The following DPY19L2 variants were observed in gnomAD, a reference collection of about 807,000 sequenced individuals.
DPY19L2 encodes dpy-19 like 2, also known as probable C-mannosyltransferase DPY19L2.
DPY19L2 carries 34 observed loss-of-function variants against 97.9 expected under a neutral mutation model. That is an observed-to-expected ratio of 0.35 (90% CI 0.26 to 0.46). DPY19L2 has a LOEUF of 0.46. DPY19L2 is among the 20% of genes least tolerant of loss of function. DPY19L2 has a pLI of 1.00. For synonymous variants in DPY19L2, 230 were observed against 307.9 expected, an observed-to-expected ratio of 0.75 and a Z score of 2.65; for missense variants, 623 against 911.4, an observed-to-expected ratio of 0.68 and a Z score of 4.07.
chr12:63,658,018 G>T (rs1895190181), intron 4 of DPY19L2, among the ~76,000 whole-genome samples: 1 of 152,140 alleles, frequency 6.6e-6, no homozygotes, highest in Non-Finnish European at 1.5e-5. Flanking sequence ...AAGGGTTCAA[G>T]AAAAGGTGTT....
At chr12:63,628,816 C>G (rs1367794927) in intron 6 of DPY19L2, among the ~76,000 whole-genome samples, 2 of 151,146 alleles carry the variant, frequency 1.3e-5, no homozygotes, top group African/African-American at 2.5e-5. Context: ...AGGCACCCCC[C>G]AGTAGGGGCA....
rs1350676324 is a variant in DPY19L2 at position 63,663,057 on chromosome 12, T to C, written c.450+701A>G. On this transcript the variant is annotated intron_variant, in intron 3 of 21. Coordinates refer to ENST00000324472, the MANE Select transcript of DPY19L2 (RefSeq NM_173812.5). ...TACACTTAAATGATAAACATTGAAA[T>C]TTTTTATTACAAATTTAAATCTAAA... 3.3e-5 allele frequency among the ~76,000 whole-genome samples: 5 copies of C among 152,280 alleles called. No homozygotes were observed. The East Asian group carries it at 9.6e-4, about 29-fold the overall frequency.
intron 15 of DPY19L2, among the ~76,000 whole-genome samples, chr12:63,594,464 A>ATTGTGTGT (rs1555189198): frequency 4.0e-5 from 5 of 124,932 alleles, no homozygotes; most frequent in African/African-American, 1.4e-4. Flanking sequence ...AGAGAGAGAT[A>ATTGTGTGT]GTGTGTGTGT....
At chr12:63,657,139 TG>T (rs1895073510) in intron 4 of DPY19L2, among the ~76,000 whole-genome samples, 1 of 152,204 alleles carries the variant, frequency 6.6e-6, no homozygotes, top group Non-Finnish European at 1.5e-5. Flanking sequence ...AGTATTTTTA[TG>T]CTTGAAATTA....
chr12:63,583,957 C>G (rs147433797), intron 16 of DPY19L2, 121 bp from the exon 17 acceptor site: 1 of 671,350 alleles, frequency 1.5e-6, no homozygotes, highest in Non-Finnish European at 2.4e-6. Context: ...AAACTACTTA[C>G]GAAAATACAT....
intron 6 of DPY19L2, among the ~76,000 whole-genome samples, chr12:63,629,231 G>C (rs1185234421): frequency 6.6e-6 from 1 of 152,140 alleles, no homozygotes; most frequent in African/African-American, 2.4e-5. Flanking sequence ...ACTTTGACGA[G>C]TTGACAGAAG....
intron 20 of DPY19L2, among the ~76,000 whole-genome samples, chr12:63,569,662 A>T (rs1479070932): frequency 1.3e-5 from 2 of 152,184 alleles, no homozygotes; most frequent in East Asian, 3.8e-4. Context: ...CAGTTTTCAG[A>T]GAATATATTC....
At chr12:63,618,038 A>G in intron 10 of DPY19L2, 113 bp downstream of exon 10, 1 of 975,328 alleles carries the variant, frequency 1.0e-6, no homozygotes. Context: ...CACCAATACC[A>G]TATGTATTAA....
rs1896570923 is a variant in DPY19L2 at position 63,668,265 on chromosome 12, G to A, written c.129C>T (p.Gly43=). The part of the protein sequence containing the change: ...VEEEMEKSAL[G]GGKLPRGSWR... ...AGGAGCCCCTTGGCAGTTTCCCGCCGCCTAGGGCCGACTTTTCCATCTCCT... is the reference window on the plus strand; with the variant it reads ...AGGAGCCCCTTGGCAGTTTCCCGCCACCTAGGGCCGACTTTTCCATCTCCT... Residue 43 remains glycine (G), a synonymous_variant, in exon 1 of 22, where the codon GGC becomes GGT. Transcript: ENST00000324472. The A allele has an allele frequency of 6.2e-7, 1 of 1,613,696 alleles. No individual in the cohort carries two copies. The highest frequency in any genetic ancestry group is 1.3e-5 in the African/African-American group (1 of 74,868).
Position 63,617,335 on chromosome 12 carries a change from G to A in DPY19L2, c.1187C>T (p.Ser396Phe). The A allele has an allele frequency of 6.3e-7, 1 of 1,596,780 alleles. No homozygotes were observed. The highest frequency in any genetic ancestry group is 1.7e-5 in the Admixed American group (1 of 58,830). ...CATTAACAAAGATGAAGAATAATAA[G>A]AAGATAAGTACATTGAATTTCCAAA... The part of the protein sequence containing the change: ...LMFGNSMYLS[S>F]YYSSSLLMTW... The change falls in exon 11 of 22, where the codon TCT (serine) becomes TTT (phenylalanine). Residue 396 changes from serine (S) to phenylalanine (F), a missense_variant. Transcript: ENST00000324472.
At chr12:63,633,698 G>C (rs542293392) in intron 6 of DPY19L2, among the ~76,000 whole-genome samples, 1 of 152,252 alleles carries the variant, frequency 6.6e-6, no homozygotes, top group East Asian at 1.9e-4. Flanking sequence ...GTTTGACCCA[G>C]CCATCCCATT....
In DPY19L2 at chr12:63,626,906, G is replaced by A. The variant is rs558162747; in HGVS notation, c.804-380C>T. Among the ~76,000 whole-genome samples, 90 of 152,186 alleles carry A rather than the reference G, an allele frequency of 5.9e-4. 3 individuals are homozygous for A. The South Asian group carries it at 0.018, about 30-fold the overall frequency. On this transcript the variant is annotated intron_variant, in intron 6 of 21. Coordinates refer to ENST00000324472, the MANE Select transcript of DPY19L2 (RefSeq NM_173812.5). ...CGATTCTCCTGCCTCAGGCTCCCAA[G>A]TAGCTCGGATTACAGGCGCGTGCTG... is the stretch of plus-strand genomic sequence containing the variant.
At chr12:63,603,430 C>T (rs562911305) in intron 12 of DPY19L2, among the ~76,000 whole-genome samples, 1 of 152,208 alleles carries the variant, frequency 6.6e-6, no homozygotes, top group Admixed American at 6.5e-5. Flanking sequence ...CATAGGTAAA[C>T]ATGTGCCATG....
chr12:63,650,120 C>A (rs914536361), intron 4 of DPY19L2, among the ~76,000 whole-genome samples: 6 of 152,122 alleles, frequency 3.9e-5, no homozygotes, highest in African/African-American at 1.4e-4. Flanking sequence ...AATTCAACAT[C>A]CTTTCATTTT....
At chr12:63,601,723 A>C (rs1885221592) in intron 12 of DPY19L2, among the ~76,000 whole-genome samples, 2 of 152,168 alleles carry the variant, frequency 1.3e-5, no homozygotes, top group African/African-American at 4.8e-5. Flanking sequence ...GCAGGGCCTA[A>C]GAGTGAGTAG....
intron 13 of DPY19L2, among the ~76,000 whole-genome samples, chr12:63,599,707 A>G (rs1252395890): frequency 6.6e-6 from 1 of 152,150 alleles, no homozygotes; most frequent in Non-Finnish European, 1.5e-5. Context: ...TCCCTAAACC[A>G]GTTAGTTAAG....
chr12:63,633,836 G>A (rs1177733183), intron 6 of DPY19L2, among the ~76,000 whole-genome samples: 1 of 152,114 alleles, frequency 6.6e-6, no homozygotes, highest in Non-Finnish European at 1.5e-5. Flanking sequence ...ATGATAGACT[G>A]GATTAAGAAA....
intron 7 of DPY19L2, among the ~76,000 whole-genome samples, chr12:63,624,623 T>G (rs895402911): frequency 6.6e-6 from 1 of 152,164 alleles, no homozygotes; most frequent in Non-Finnish European, 1.5e-5. Context: ...TGCCTCAGAA[T>G]TTGTAAAATG....
At chr12:63,570,991 A>C (rs886380212) in intron 19 of DPY19L2, 134 bp from the exon 20 acceptor site, 3 of 817,826 alleles carry the variant, frequency 3.7e-6, no homozygotes, top group Non-Finnish European at 5.6e-6. Flanking sequence ...TCATTCTTTT[A>C]TTGACTCAAT....
Sources: gnomAD v4.1 joint callset for allele counts (sites outside exome capture counted in the v4.1 genomes callset) on GRCh38, gnomAD v4.1.1 for gene constraint, MANE v1.5 for transcripts, NCBI Gene and HGNC (gene_info 2026-07-23, HGNC 2026-07-21) for gene names.